The following KLHL3 variants were observed in gnomAD, a reference collection of about 807,000 sequenced individuals.
KLHL3 encodes the protein kelch-like protein 3.
In KLHL3, 19 loss-of-function variants were observed where a neutral mutation model predicts 70.5. The observed-to-expected ratio is 0.27, with a 90% CI of 0.19 to 0.40. KLHL3 has a LOEUF of 0.40. Among genes scored for constraint, KLHL3 ranks in the 10% least tolerant of loss-of-function variants. KLHL3 has a pLI of 1.00. For missense variants in KLHL3, 512 were observed against 771.1 expected (o/e 0.66, Z 3.98); for synonymous variants, 258 against 290.3 (o/e 0.89, Z 1.13).
At chr5:137,702,091 A>C (rs926661233) in intron 3 of KLHL3, among the ~76,000 whole-genome samples, 5 of 152,238 alleles carry the variant, frequency 3.3e-5, no homozygotes, top group Non-Finnish European at 5.9e-5. Context: ...GTGGTTAACA[A>C]GTCACAGCCC....
rs553637980 is a variant in KLHL3 at position 137,700,734 on chromosome 5, A to T, written c.242-2326T>A. ...ATATTAAGTACTTAAAACTTAAACA[A>T]GCAAGAAAAAAATGATGTGAAAGAA... On this transcript the variant is annotated intron_variant, in intron 3 of 14. Transcript: ENST00000309755. 9.2e-5 allele frequency among the ~76,000 whole-genome samples: 14 copies of T among 152,330 alleles called. No individual in the cohort carries two copies. In the South Asian group the frequency reaches 2.7e-3, roughly 29 times the overall value.
At position 137,677,568 on chromosome 5, in the gene KLHL3, G is replaced by T; in HGVS notation, c.613C>A (p.Leu205Met). The T allele has an allele frequency of 6.2e-7, 1 of 1,604,802 alleles. No homozygotes were observed. Among genetic ancestry groups the T allele is most frequent in the Admixed American group, 1.7e-5 (1 of 58,444 alleles). ...ACCTTCTCTTCTGAAGAAACGGTCA[G>T]CTTGTCGCTGGATATCAAGCTGCAC... ...QVCSLISSDK[L>M]TVSSEEKVFE... The change falls in exon 6 of 15, where the codon CTG becomes ATG. Residue 205 changes from leucine to methionine, a missense_variant. Coordinates refer to ENST00000309755, the MANE Select transcript of KLHL3 (RefSeq NM_017415.3).
intron 6 of KLHL3, among the ~76,000 whole-genome samples, chr5:137,668,642 G>A (rs537249001): frequency 1.3e-5 from 2 of 152,232 alleles, no homozygotes; most frequent in South Asian, 4.1e-4. Flanking sequence ...TCCTGTTTTT[G>A]TTTCTTAAAT....
chr5:137,671,903 G>A (rs1161306586), intron 6 of KLHL3: 1 of 151,922 alleles, frequency 6.6e-6, no homozygotes, highest in East Asian at 1.9e-4. Flanking sequence ...AAGTTTAGTT[G>A]TATACTTGAT....
intron 6 of KLHL3, among the ~76,000 whole-genome samples, chr5:137,665,134 T>C (rs538449540): frequency 3.1e-4 from 47 of 152,300 alleles, no homozygotes; most frequent in African/African-American, 9.9e-4. Flanking sequence ...ATAGGACGGC[T>C]GGCCTGGATT....
chr5:137,728,804 A>G (rs1753125494), intron 1 of KLHL3, among the ~76,000 whole-genome samples: 1 of 152,104 alleles, frequency 6.6e-6, no homozygotes, highest in African/African-American at 2.4e-5. Context: ...AAAGAAGGGA[A>G]CAACAGACAC....
At position 137,659,451 on chromosome 5, in the gene KLHL3, G is replaced by A. The variant is rs543994035; in HGVS notation, c.754-1171C>T. On this transcript the variant is annotated intron_variant, in intron 7 of 14. Transcript: ENST00000309755. ...AGGATTGGCAAGAGAAGGCCTCTGT[G>A]TACCTCTGACCACCTCCCTCCCCAG... Among the ~76,000 whole-genome samples, 4 of 152,322 alleles carry A rather than the reference G, an allele frequency of 2.6e-5. No homozygotes were observed. The East Asian group carries it at 7.7e-4, about 29-fold the overall frequency.
At chr5:137,633,273 C>A (rs1227836629) in intron 12 of KLHL3, among the ~76,000 whole-genome samples, 5 of 78,662 alleles carry the variant, frequency 6.4e-5, no homozygotes, top group East Asian at 4.2e-4. Context: ...AGTGAGACTT[C>A]ATCTCAAAAA....
rs902759896 is a variant in KLHL3, at chr5:137,621,978, C to T, written c.*120G>A. 43 of 1,006,406 alleles carry T rather than the reference C, an allele frequency of 4.3e-5. No homozygotes were observed. The highest frequency in any genetic ancestry group is 4.1e-4 in the African/African-American group (26 of 63,146). 62.3% of individuals were successfully genotyped at this position (1,006,406 alleles called of 1,614,324 possible). On this transcript the variant is annotated 3_prime_UTR_variant, in exon 15 of 15. Transcript: ENST00000309755. ...ACCAGTCTGCCAAGTCAGAGGAGAG[C>T]GGTTCTCACAGCAGCACAGACCCTC...
chr5:137,692,254 G>A, intron 5 of KLHL3, 31 bp downstream of exon 5: 1 of 1,596,034 alleles, frequency 6.3e-7, no homozygotes, highest in South Asian at 1.1e-5. Flanking sequence ...CACAAACTCG[G>A]AGGAGGTGCA....
chr5:137,733,286 A>G (rs1434571986), intron 1 of KLHL3, among the ~76,000 whole-genome samples: 2 of 152,218 alleles, frequency 1.3e-5, no homozygotes, highest in Non-Finnish European at 2.9e-5. Flanking sequence ...TAAGATAATA[A>G]GGCTGATATC....
At chr5:137,697,866 C>A (rs1467105677) in intron 4 of KLHL3, among the ~76,000 whole-genome samples, 1 of 152,230 alleles carries the variant, frequency 6.6e-6, no homozygotes, top group Non-Finnish European at 1.5e-5. Context: ...CCCCTCTACT[C>A]ATTTTATGCC....
intron 1 of KLHL3, among the ~76,000 whole-genome samples, chr5:137,734,565 G>A (rs941982202): frequency 3.2e-4 from 49 of 152,302 alleles, no homozygotes; most frequent in African/African-American, 1.2e-3. Flanking sequence ...CTCATGAAAA[G>A]GAAAGTGTTC....
At chr5:137,701,141 TC>T (rs1284169052) in intron 3 of KLHL3, among the ~76,000 whole-genome samples, 12 of 152,140 alleles carry the variant, frequency 7.9e-5, no homozygotes, top group African/African-American at 2.9e-4. Context: ...CAAGTGATTC[TC>T]CTACCTCAGC....
At chr5:137,677,953 G>A (rs1364435424) in intron 5 of KLHL3, among the ~76,000 whole-genome samples, 2 of 152,150 alleles carry the variant, frequency 1.3e-5, no homozygotes, top group Non-Finnish European at 1.5e-5. Context: ...TAATAGCACT[G>A]CAGAAAAGCC....
At chr5:137,648,311 T>C (rs993047751) in intron 8 of KLHL3, among the ~76,000 whole-genome samples, 1 of 152,222 alleles carries the variant, frequency 6.6e-6, no homozygotes, top group African/African-American at 2.4e-5. Context: ...TACCATCTAC[T>C]GAAAGCAGGA....
intron 11 of KLHL3, among the ~76,000 whole-genome samples, chr5:137,635,390 T>C (rs1750742306): frequency 6.6e-6 from 1 of 152,204 alleles, no homozygotes; most frequent in South Asian, 2.1e-4. Context: ...GCTACTTGCA[T>C]GGTATGTGCT....
At position 137,708,871 on chromosome 5, in the gene KLHL3, G is replaced by A. The variant is rs78589218; in HGVS notation, c.241+879C>T. 2.6e-3 allele frequency among the ~76,000 whole-genome samples: 396 copies of A among 152,282 alleles called. 1 individual carries two copies. The highest frequency in any genetic ancestry group is 4.2e-3 in the Non-Finnish European group (284 of 68,022). ...CAGACAAGAATGCAGGGTGACAGTC[G>A]CCATACTCAGAGCAGGCACAAGCAC... On this transcript the variant is annotated intron_variant, in intron 3 of 14. Transcript: ENST00000309755.
intron 6 of KLHL3, among the ~76,000 whole-genome samples, chr5:137,665,948 T>C (rs1029536766): frequency 1.3e-5 from 2 of 152,144 alleles, no homozygotes; most frequent in Non-Finnish European, 2.9e-5. Context: ...TATTTCTATA[T>C]CAAATAACCT....
Sources: gnomAD v4.1 joint callset for allele counts (sites outside exome capture counted in the v4.1 genomes callset) on GRCh38, gnomAD v4.1.1 for gene constraint, MANE v1.5 for transcripts, NCBI Gene and HGNC (gene_info 2026-07-23, HGNC 2026-07-21) for gene names.